TRHDE: variants seen among roughly 807,000 people sequenced by gnomAD.
TRHDE encodes thyrotropin-releasing hormone-degrading ectoenzyme.
Under a neutral mutation model 125.7 loss-of-function variants are expected in TRHDE, and 72 were observed. The ratio of observed to expected loss-of-function variants is 0.57; its 90% CI spans 0.47 to 0.70. The LOEUF (loss-of-function observed/expected upper bound fraction) is 0.70, where lower values mean the gene tolerates loss of function less well. Ranked by LOEUF, TRHDE falls within the 30% of genes least tolerant of loss-of-function variation. The probability of loss-of-function intolerance (pLI) is 0.00; values close to 1 mark genes in which losing one functional copy is unlikely to be tolerated. For synonymous variants in TRHDE, 509 were observed against 509.1 expected (o/e 1.00, Z 0.00); for missense variants, 1,110 against 1,327.1 (o/e 0.84, Z 2.54).
chr12:72,137,208 G>A (rs1344149586), intron 2 of TRHDE, among the ~76,000 whole-genome samples: 1 of 152,168 alleles, frequency 6.6e-6, no homozygotes, highest in African/African-American at 2.4e-5. Context: ...AGATCCATGT[G>A]TGAGACAGAT....
chr12:72,524,204 T>C (rs1315232051), intron 6 of TRHDE, among the ~76,000 whole-genome samples: 2 of 152,154 alleles, frequency 1.3e-5, no homozygotes, highest in Non-Finnish European at 2.9e-5. Flanking sequence ...AATCAGCGCA[T>C]TTTATCCTCT....
At chr12:72,349,551 T>G (rs12305161) in intron 2 of TRHDE, among the ~76,000 whole-genome samples, 16,234 of 151,602 alleles carry the variant, frequency 0.11, 980 homozygotes, top group Admixed American at 0.16. Flanking sequence ...TGCCTTTTTT[T>G]GGGCGGGGGG....
At chr12:72,539,930 G>A (rs1869058120) in intron 6 of TRHDE, among the ~76,000 whole-genome samples, 2 of 151,724 alleles carry the variant, frequency 1.3e-5, no homozygotes, top group African/African-American at 2.4e-5. Flanking sequence ...GAATCACAAG[G>A]TAATGTAAGT....
chr12:72,560,034 C>T (rs572044567), intron 7 of TRHDE, among the ~76,000 whole-genome samples: 24 of 152,048 alleles, frequency 1.6e-4, no homozygotes, highest in African/African-American at 2.9e-4. Context: ...ATTATTGAAA[C>T]GCACTCATTA....
At chr12:72,381,280 A>G (rs958666145) in intron 3 of TRHDE, among the ~76,000 whole-genome samples, 2 of 152,206 alleles carry the variant, frequency 1.3e-5, no homozygotes, top group East Asian at 1.9e-4. Context: ...TGACAACCAG[A>G]TAAGAGGCTA....
chr12:72,476,886 T>C (rs1319620566), intron 5 of TRHDE, among the ~76,000 whole-genome samples: 3 of 152,176 alleles, frequency 2.0e-5, no homozygotes, highest in Non-Finnish European at 2.9e-5. Context: ...GTTTCTGATA[T>C]AGAATTAAGG....
intron 2 of TRHDE, among the ~76,000 whole-genome samples, chr12:72,314,622 T>C (rs1263268877): frequency 6.6e-6 from 1 of 152,196 alleles, no homozygotes; most frequent in Non-Finnish European, 1.5e-5. Flanking sequence ...TTGGGTTTGA[T>C]ATATCTACAG....
chr12:72,361,553 ATT>A (rs60296809), intron 2 of TRHDE, among the ~76,000 whole-genome samples: 6 of 148,858 alleles, frequency 4.0e-5, no homozygotes, highest in South Asian at 2.1e-4. Flanking sequence ...TTTATAATTT[ATT>A]TTTTTTTTAT....
rs375686751 is a variant in TRHDE at position 72,586,272 on chromosome 12, T to A, written c.2321+10730T>A. Among the ~76,000 whole-genome samples the A allele has an allele frequency of 9.9e-5, 15 of 152,238 alleles. No homozygotes were observed. In the East Asian group the frequency reaches 1.2e-3, roughly 12 times the overall value. ...GAAGAAGATAAAGGAAATCTAGTTC[T>A]AAGATTTTGTGCAATGAAGTGAGTG... On this transcript the variant is annotated intron_variant, in intron 12 of 18. Coordinates refer to ENST00000261180, the MANE Select transcript of TRHDE (RefSeq NM_013381.3).
intron 2 of TRHDE, among the ~76,000 whole-genome samples, chr12:72,297,667 T>C (rs939974379): frequency 9.2e-5 from 14 of 152,088 alleles, no homozygotes; most frequent in Non-Finnish European, 1.6e-4. Context: ...GTTGTTTTCA[T>C]GGAAGTGGAG....
At chr12:72,185,675 A>G (rs1362764325) in intron 2 of TRHDE, among the ~76,000 whole-genome samples, 2 of 151,666 alleles carry the variant, frequency 1.3e-5, no homozygotes, top group African/African-American at 4.9e-5. Context: ...CAGGGATTGT[A>G]AATACACCAA....
intron 15 of TRHDE, among the ~76,000 whole-genome samples, chr12:72,651,960 T>A (rs1485216850): frequency 1.3e-5 from 2 of 151,978 alleles, no homozygotes; most frequent in Non-Finnish European, 2.9e-5. Context: ...CATTCTTGGG[T>A]CTACCAATTA....
At chr12:72,195,882 T>A (rs191398811) in intron 2 of TRHDE, among the ~76,000 whole-genome samples, 33 of 152,272 alleles carry the variant, frequency 2.2e-4, no homozygotes, top group African/African-American at 7.9e-4. Context: ...CTTTAATCAA[T>A]CTTGAGTTAA....
chr12:72,369,278 C>A (rs544221261), intron 2 of TRHDE, among the ~76,000 whole-genome samples: 1 of 152,070 alleles, frequency 6.6e-6, no homozygotes. Context: ...GTATTACCAC[C>A]AGGGTGGTGC....
chr12:72,378,533 G>A (rs1428366820), intron 3 of TRHDE, among the ~76,000 whole-genome samples: 1 of 152,164 alleles, frequency 6.6e-6, no homozygotes, highest in African/African-American at 2.4e-5. Context: ...AAGTGAAGGG[G>A]TTGGGATTTC....
chr12:72,327,645 T>G (rs2135716343), intron 2 of TRHDE, among the ~76,000 whole-genome samples: 1 of 152,332 alleles, frequency 6.6e-6, no homozygotes, highest in Non-Finnish European at 1.5e-5. Context: ...GGAGATTTTT[T>G]TAGGAAATTT....
chr12:72,407,061 G>A (rs1251572942), intron 3 of TRHDE, among the ~76,000 whole-genome samples: 1 of 152,138 alleles, frequency 6.6e-6, no homozygotes, highest in Non-Finnish European at 1.5e-5. Flanking sequence ...AATCAGATTT[G>A]GGAGGATGAG....
chr12:72,489,125 G>A (rs570056991), intron 5 of TRHDE, among the ~76,000 whole-genome samples: 56 of 150,908 alleles, frequency 3.7e-4, no homozygotes, highest in African/African-American at 1.3e-3. Flanking sequence ...TCTTAAATTA[G>A]CAGGAGAAAA....
At chr12:72,113,580 G>A (rs945835006) in intron 2 of TRHDE, among the ~76,000 whole-genome samples, 2 of 151,888 alleles carry the variant, frequency 1.3e-5, no homozygotes, top group Non-Finnish European at 2.9e-5. Context: ...TTATAGGCAT[G>A]AGCCACCGCA....
Sources: gnomAD v4.1 joint callset for allele counts (sites outside exome capture counted in the v4.1 genomes callset) on GRCh38, gnomAD v4.1.1 for gene constraint, MANE v1.5 for transcripts, NCBI Gene and HGNC (gene_info 2026-07-23, HGNC 2026-07-21) for gene names.